UNC5C: variants seen among roughly 807,000 people sequenced by gnomAD.
UNC5C encodes unc-5 netrin receptor C.
Under a neutral mutation model 99.8 loss-of-function variants are expected in UNC5C, and 47 were observed. The observed-to-expected ratio is 0.47, with a 90% confidence interval of 0.37 to 0.60. The LOEUF is 0.60. UNC5C is among the 20% of genes least tolerant of loss of function. UNC5C has a pLI of 0.00. For synonymous variants in UNC5C, 487 were observed against 452.2 expected, an observed-to-expected ratio of 1.08 and a Z score of -0.98; for missense variants, 1,062 against 1,165.9, an observed-to-expected ratio of 0.91 and a Z score of 1.30.
intron 2 of UNC5C, among the ~76,000 whole-genome samples, chr4:95,313,169 C>T (rs939582912): frequency 6.6e-6 from 1 of 152,064 alleles, no homozygotes; most frequent in Non-Finnish European, 1.5e-5. Context: ...GATGAAAATG[C>T]ATGGAGCACT....
intron 1 of UNC5C, among the ~76,000 whole-genome samples, chr4:95,442,038 T>C (rs139026659): frequency 6.6e-6 from 1 of 152,316 alleles, no homozygotes; most frequent in African/African-American, 2.4e-5. Flanking sequence ...GTGAATTGCT[T>C]GTATAGTCTA....
At chr4:95,327,738 G>T (rs1742943714) in intron 2 of UNC5C, among the ~76,000 whole-genome samples, 1 of 152,076 alleles carries the variant, frequency 6.6e-6, no homozygotes, top group East Asian at 1.9e-4. Flanking sequence ...GCCGCAGATG[G>T]CCGGGCTTCA....
chr4:95,300,256 T>G (rs530478955), intron 3 of UNC5C, among the ~76,000 whole-genome samples: 9 of 152,368 alleles, frequency 5.9e-5, no homozygotes, highest in African/African-American at 2.2e-4. Context: ...GAAAGGGCTC[T>G]GCAAGCTGCA....
At chr4:95,191,427 C>T (rs1737087674) in intron 12 of UNC5C, among the ~76,000 whole-genome samples, 1 of 152,076 alleles carries the variant, frequency 6.6e-6, no homozygotes, top group Admixed American at 6.5e-5. Flanking sequence ...GGTTACAGAG[C>T]CCTGCACAGT....
At chr4:95,497,713 A>G (rs183234423) in intron 1 of UNC5C, among the ~76,000 whole-genome samples, 2 of 152,156 alleles carry the variant, frequency 1.3e-5, no homozygotes, top group East Asian at 3.9e-4. Flanking sequence ...ATTATTTAAA[A>G]ATAGATGTTT....
intron 4 of UNC5C, among the ~76,000 whole-genome samples, chr4:95,265,325 C>T (rs1406600386): frequency 6.6e-6 from 1 of 152,156 alleles, no homozygotes; most frequent in Admixed American, 6.5e-5. Flanking sequence ...ATGATGTGAT[C>T]GATTCACACT....
chr4:95,216,047 G>T (rs1738236828), intron 10 of UNC5C, 77 bp downstream of exon 10: 1 of 1,273,536 alleles, frequency 7.9e-7, no homozygotes, highest in Non-Finnish European at 1.1e-6. Context: ...AATATGTTGG[G>T]TTTATTGTGT....
intron 1 of UNC5C, among the ~76,000 whole-genome samples, chr4:95,388,961 G>C (rs1745282938): frequency 6.6e-6 from 1 of 152,122 alleles, no homozygotes; most frequent in African/African-American, 2.4e-5. Context: ...GAGTCTGCCA[G>C]TTAAGAATCC....
rs200465328 is a variant in UNC5C, at chr4:95,548,879, G to T, written c.-22C>A. 34 of 1,611,372 alleles carry T rather than the reference G, an allele frequency of 2.1e-5. No homozygotes were observed. In the East Asian group the frequency reaches 7.4e-4, roughly 35 times the overall value. ...TCATCGTAGACAGAGGTGTGCCGGG[G>T]GGAGGGGAGGGGGACAGAGAGACGC... On this transcript the variant is annotated 5_prime_UTR_variant, in exon 1 of 16. Transcript: ENST00000453304.
chr4:95,291,970 A>G (rs942537512), intron 3 of UNC5C, among the ~76,000 whole-genome samples: 1 of 152,016 alleles, frequency 6.6e-6, no homozygotes, highest in Non-Finnish European at 1.5e-5. Flanking sequence ...GAATCCTGCC[A>G]GTACATTTGG....
At chr4:95,354,762 C>T (rs1744121893) in intron 1 of UNC5C, among the ~76,000 whole-genome samples, 1 of 151,934 alleles carries the variant, frequency 6.6e-6, no homozygotes, top group African/African-American at 2.4e-5. Context: ...TCTGGGATTA[C>T]AGGTGTGAGT....
rs187848995 is a variant in UNC5C, at chr4:95,442,586, C to A, written c.124+106148G>T. 6.0e-4 allele frequency among the ~76,000 whole-genome samples: 91 copies of A among 152,080 alleles called. 1 individual carries two copies. The highest frequency in any genetic ancestry group is 2.1e-3 in the African/African-American group (87 of 41,486). On this transcript the variant is annotated intron_variant, in intron 1 of 15. Coordinates refer to ENST00000453304, the MANE Select transcript of UNC5C (RefSeq NM_003728.4). Reference sequence around the variant, plus strand: ...GGCTCAAGCAGTCCTCTCACCCCAGCCCCCAAGTAGCTGAGACTACAGGCA... The same window carrying A: ...GGCTCAAGCAGTCCTCTCACCCCAGACCCCAAGTAGCTGAGACTACAGGCA...
intron 3 of UNC5C, among the ~76,000 whole-genome samples, chr4:95,300,928 T>A (rs1053157422): frequency 1.1e-4 from 17 of 152,278 alleles, no homozygotes; most frequent in African/African-American, 3.6e-4. Context: ...TTGTTCATTT[T>A]AAAATAACTA....
intron 10 of UNC5C, among the ~76,000 whole-genome samples, chr4:95,209,291 G>A (rs780221623): frequency 1.3e-5 from 2 of 152,170 alleles, no homozygotes; most frequent in African/African-American, 2.4e-5. Flanking sequence ...TTATCAGCAC[G>A]CATAAAACTG....
chr4:95,335,436 A>G lies in UNC5C; in HGVS notation c.320T>C (p.Val107Ala), dbSNP rs774497336. Residue 107 changes from valine (V) to alanine (A), a missense_variant, in exon 2 of 16, where the codon GTA (valine) becomes GCA (alanine). Physicochemically the swap from Val to Ala is moderately conservative, Grantham distance 64. This residue lies in a region of UNC5C where 249 missense variants were observed against 295.1 expected (regional missense o/e 0.84). Transcript: ENST00000453304. ...GGAAGTTTCATCTACTCTTTCATCT[A>G]CTATGTGGTCCTTCTGATGAACCCA... ...SEWVHQKDHI[V>A]DERVDETSGL... The G allele has an allele frequency of 2.5e-6, 4 of 1,611,864 alleles. No homozygotes were observed. The East Asian group carries it at 6.7e-5, about 27-fold the overall frequency.
chr4:95,268,878 A>T (rs1352747224), intron 4 of UNC5C, among the ~76,000 whole-genome samples: 1 of 152,226 alleles, frequency 6.6e-6, no homozygotes, highest in Non-Finnish European at 1.5e-5. Flanking sequence ...GTGCACACCT[A>T]AAAGAATGGA....
chr4:95,187,663 T>G (rs1271205034), intron 12 of UNC5C, among the ~76,000 whole-genome samples: 1 of 152,186 alleles, frequency 6.6e-6, no homozygotes, highest in Non-Finnish European at 1.5e-5. Context: ...TGAAAAGTCA[T>G]GGTGAAGAAT....
intron 1 of UNC5C, among the ~76,000 whole-genome samples, chr4:95,542,873 T>C (rs1462612152): frequency 6.6e-6 from 1 of 152,140 alleles, no homozygotes; most frequent in East Asian, 1.9e-4. Context: ...AAAATGTTTT[T>C]ATTAAAATCT....
rs144816164 is a variant in UNC5C, at chr4:95,343,509, C to T, written c.125-7878G>A. ...CTGGAGTGACCAAAAACTTAGATTA[C>T]AACTCTTCAATGCACAGACACCAAT... On this transcript the variant is annotated intron_variant, in intron 1 of 15. Coordinates refer to ENST00000453304, the MANE Select transcript of UNC5C (RefSeq NM_003728.4). 2.0e-3 allele frequency among the ~76,000 whole-genome samples: 305 copies of T among 152,086 alleles called. 1 individual carries two copies. The highest frequency in any genetic ancestry group is 6.4e-3 in the African/African-American group (265 of 41,516).
Sources: allele counts gnomAD v4.1 joint callset (sites outside exome capture counted in the v4.1 genomes callset), GRCh38; gene constraint gnomAD v4.1.1; regional missense constraint gnomAD v4.1.1; transcripts MANE v1.5; gene names NCBI Gene and HGNC (gene_info 2026-07-23, HGNC 2026-07-21).